The following UBE2D2 variants were observed in gnomAD, a reference collection of about 807,000 sequenced individuals.
UBE2D2 encodes the protein ubiquitin-conjugating enzyme E2 D2.
A neutral mutation model predicts 24.2 loss-of-function variants in UBE2D2; 2 were observed. The observed-to-expected ratio is 0.08, with a 90% CI of 0.03 to 0.26. The LOEUF is 0.26. UBE2D2 is among the 10% of genes least tolerant of loss of function. UBE2D2 has a pLI of 1.00. For missense variants in UBE2D2, 44 were observed against 177.6 expected (o/e 0.25, Z 4.28); for synonymous variants, 58 against 56.5 (o/e 1.03, Z -0.12).
intron 1 of UBE2D2, among the ~76,000 whole-genome samples, chr5:139,553,970 G>A (rs1378555635): frequency 6.6e-6 from 1 of 151,904 alleles, no homozygotes; most frequent in Non-Finnish European, 1.5e-5. Flanking sequence ...AGTAGAGATG[G>A]GGTTTCACCA....
upstream of UBE2D2, among the ~76,000 whole-genome samples, chr5:139,558,010 A>G (rs568837834): frequency 6.6e-6 from 1 of 152,200 alleles, no homozygotes; most frequent in Non-Finnish European, 1.5e-5. Flanking sequence ...TGAAGTGGGA[A>G]GATCACTTGA....
intron 2 of UBE2D2, chr5:139,612,196 A>G (rs772055111): frequency 1.3e-5 from 2 of 154,848 alleles, no homozygotes; most frequent in Non-Finnish European, 2.9e-5. Flanking sequence ...CTTGTATCAG[A>G]TGCTGGAAAG....
At chr5:139,527,435 GA>G (rs1352534273) in intron 1 of UBE2D2, among the ~76,000 whole-genome samples, 1 of 152,176 alleles carries the variant, frequency 6.6e-6, no homozygotes, top group African/African-American at 2.4e-5. Flanking sequence ...AAGGATAATT[GA>G]AATCACAAAC....
intron 1 of UBE2D2, among the ~76,000 whole-genome samples, chr5:139,584,465 G>T (rs76273283): frequency 7.6e-6 from 1 of 131,388 alleles, no homozygotes; most frequent in Non-Finnish European, 1.6e-5. Context: ...AGTACTCAAA[G>T]AAACTCCTTG....
At chr5:139,621,614 G>A (rs1754514978) in intron 5 of UBE2D2, among the ~76,000 whole-genome samples, 1 of 151,910 alleles carries the variant, frequency 6.6e-6, no homozygotes, top group South Asian at 2.1e-4. Flanking sequence ...ATTCAGTAGT[G>A]TGGCTGTCTT....
chr5:139,575,797 G>A (rs1753456753), intron 1 of UBE2D2, among the ~76,000 whole-genome samples: 2 of 152,200 alleles, frequency 1.3e-5, no homozygotes, highest in Non-Finnish European at 2.9e-5. Context: ...AGGCCAAGGT[G>A]GGAGAATCAC....
chr5:139,544,953 G>C (rs893202350), intron 1 of UBE2D2, among the ~76,000 whole-genome samples: 4 of 151,474 alleles, frequency 2.6e-5, no homozygotes, highest in African/African-American at 2.4e-5. Flanking sequence ...ATTTTTTTTT[G>C]TACTTTTAGT....
intron 1 of UBE2D2, among the ~76,000 whole-genome samples, chr5:139,567,320 G>A (rs1005299888): frequency 2.0e-5 from 3 of 151,314 alleles, no homozygotes; most frequent in African/African-American, 2.4e-5. Context: ...GGCTGGTCTC[G>A]AACTCCTGAC....
chr5:139,561,221 C>G (rs1005269306), upstream of UBE2D2: 3 of 152,468 alleles, frequency 2.0e-5, no homozygotes, highest in African/African-American at 7.2e-5. Context: ...GCGTAGCTTA[C>G]TCACAGGGGC....
chr5:139,581,914 G>A (rs577951685), intron 1 of UBE2D2, among the ~76,000 whole-genome samples: 1 of 152,214 alleles, frequency 6.6e-6, no homozygotes, highest in East Asian at 1.9e-4. Context: ...TGATCTGGCC[G>A]CCATGGCCTC....
upstream of UBE2D2, among the ~76,000 whole-genome samples, chr5:139,556,736 A>G (rs1752985021): frequency 1.3e-5 from 2 of 152,240 alleles, no homozygotes; most frequent in South Asian, 4.1e-4. Context: ...GAGTAACTTT[A>G]TTCTAATAAA....
intron 2 of UBE2D2, among the ~76,000 whole-genome samples, chr5:139,601,953 A>G (rs1754089732): frequency 1.3e-5 from 2 of 152,086 alleles, no homozygotes; most frequent in African/African-American, 4.8e-5. Flanking sequence ...TTTAACAAAT[A>G]TTTTAAAGTA....
chr5:139,624,654 C>T (rs1042295481), intron 6 of UBE2D2, among the ~76,000 whole-genome samples: 43 of 152,210 alleles, frequency 2.8e-4, no homozygotes, highest in African/African-American at 9.7e-4. Flanking sequence ...GGCATGGTGG[C>T]GGGCACCTGT....
intron 2 of UBE2D2, among the ~76,000 whole-genome samples, chr5:139,611,119 A>G (rs1436149323): frequency 6.6e-6 from 1 of 151,306 alleles, no homozygotes; most frequent in Admixed American, 6.6e-5. Flanking sequence ...AGTTAGAGAT[A>G]CAGTTCTCCT....
chr5:139,529,337 G>C (rs1345389718), intron 1 of UBE2D2, among the ~76,000 whole-genome samples: 2 of 152,062 alleles, frequency 1.3e-5, no homozygotes, highest in African/African-American at 4.8e-5. Flanking sequence ...AGAAGAAAAA[G>C]GGGTCCCCAA....
At chr5:139,620,915 A>G (rs1232044867) in intron 5 of UBE2D2, among the ~76,000 whole-genome samples, 2 of 152,222 alleles carry the variant, frequency 1.3e-5, no homozygotes, top group Non-Finnish European at 2.9e-5. Flanking sequence ...CAGTGACTTT[A>G]TGCCCCCTTT....
chr5:139,533,785 T>C lies in UBE2D2; in HGVS notation c.-64+7173T>C, dbSNP rs542475996. Among the ~76,000 whole-genome samples, 3 of 134,280 alleles carry C rather than the reference T, an allele frequency of 2.2e-5. No individual in the cohort carries two copies. The South Asian group carries it at 7.8e-4, about 35-fold the overall frequency. 88.1% of individuals were successfully genotyped at this position (134,280 alleles called of 152,430 possible). A position where few individuals can be genotyped will look rare whatever the true frequency, so the allele number is the denominator to read the frequency against. Reference sequence around the variant, plus strand: ...CAATCTCAGCATAAATTAAAAAACATCTTTTTTTTTTTTTTGAGACGGAGT... The same window carrying C: ...CAATCTCAGCATAAATTAAAAAACACCTTTTTTTTTTTTTTGAGACGGAGT... On this transcript the variant is annotated intron_variant, in intron 1 of 6. Transcript: ENST00000511725.
chr5:139,575,299 CT>C (rs1229053772), intron 1 of UBE2D2, among the ~76,000 whole-genome samples: 1 of 152,084 alleles, frequency 6.6e-6, no homozygotes, highest in Admixed American at 6.6e-5. Flanking sequence ...GTGGACTTTT[CT>C]TTTTTTAAGT....
At chr5:139,568,442 A>C (rs1402929004) in intron 1 of UBE2D2, among the ~76,000 whole-genome samples, 2 of 150,884 alleles carry the variant, frequency 1.3e-5, no homozygotes, top group Non-Finnish European at 3.0e-5. Context: ...GGTGGATCAC[A>C]AGGTCAGGAA....
Sources: allele counts gnomAD v4.1 joint callset (sites outside exome capture counted in the v4.1 genomes callset), GRCh38; gene constraint gnomAD v4.1.1; transcripts MANE v1.5; gene names NCBI Gene and HGNC (gene_info 2026-07-23, HGNC 2026-07-21).